Variants in FUT8 observed in about 807,000 individuals in gnomAD.
FUT8 encodes the protein fucosyltransferase 8, also known as alpha-(1,6)-fucosyltransferase.
A neutral mutation model predicts 71.3 loss-of-function variants in FUT8; 29 were observed. The observed-to-expected ratio is 0.41, with a 90% CI of 0.30 to 0.55. FUT8 has a LOEUF of 0.55. FUT8 is among the 20% of genes least tolerant of loss of function. The pLI is 0.34. For synonymous variants in FUT8, 254 were observed against 239.3 expected, an observed-to-expected ratio of 1.06 and a Z score of -0.57; for missense variants, 544 against 702.1, an observed-to-expected ratio of 0.77 and a Z score of 2.55.
At chr14:65,419,476 C>T (rs146999093) in intron 1 of FUT8, among the ~76,000 whole-genome samples, 11 of 152,170 alleles carry the variant, frequency 7.2e-5, no homozygotes, top group Admixed American at 7.2e-4. Context: ...ATAATTAGGG[C>T]CTAATCAATT....
chr14:65,491,427 T>A (rs1044102212), intron 2 of FUT8, among the ~76,000 whole-genome samples: 1 of 152,146 alleles, frequency 6.6e-6, no homozygotes, highest in Admixed American at 6.6e-5. Flanking sequence ...GTTTCAAGTA[T>A]TTTTACAGAG....
the FUT8 span, among the ~76,000 whole-genome samples, chr14:65,386,828 C>T: frequency 7.2e-6 from 1 of 138,242 alleles, no homozygotes; most frequent in Admixed American, 7.7e-5. Flanking sequence ...TTGTGTTTGT[C>T]TTCCTTTAAT....
At chr14:65,505,817 G>C (rs559746756) in intron 2 of FUT8, among the ~76,000 whole-genome samples, 1 of 150,628 alleles carries the variant, frequency 6.6e-6, no homozygotes, top group Admixed American at 6.6e-5. Flanking sequence ...TACTACTTTT[G>C]CCCATTCTTT....
intron 7 of FUT8, among the ~76,000 whole-genome samples, chr14:65,709,528 G>C (rs1043825747): frequency 6.6e-6 from 1 of 152,010 alleles, no homozygotes; most frequent in Non-Finnish European, 1.5e-5. Flanking sequence ...CTGGATAATT[G>C]TTTGGTTGTG....
chr14:65,515,122 T>TTTATGA (rs754384512), intron 2 of FUT8, among the ~76,000 whole-genome samples: 2,262 of 152,322 alleles, frequency 0.015, 19 homozygotes, highest in South Asian at 0.024. Flanking sequence ...ATTCAGTTCC[T>TTTATGA]AGTGTAGTCT....
intron 3 of FUT8, among the ~76,000 whole-genome samples, chr14:65,576,926 A>G (rs570508372): frequency 6.6e-6 from 1 of 151,364 alleles, no homozygotes; most frequent in African/African-American, 2.4e-5. Context: ...TTACCGTGTT[A>G]TCTCCTGACC....
chr14:65,695,952 C>G (rs940081276), intron 7 of FUT8, among the ~76,000 whole-genome samples: 29 of 152,046 alleles, frequency 1.9e-4, no homozygotes, highest in African/African-American at 6.8e-4. Flanking sequence ...ATATTTACCA[C>G]AAATCCAAAT....
At chr14:65,701,177 A>G (rs542179575) in intron 7 of FUT8, among the ~76,000 whole-genome samples, 12 of 152,282 alleles carry the variant, frequency 7.9e-5, no homozygotes, top group African/African-American at 2.2e-4. Context: ...TTATATCCCA[A>G]ATTTTGGATC....
At chr14:65,400,884 C>CAA in the FUT8 span, among the ~76,000 whole-genome samples, 1 of 149,796 alleles carries the variant, frequency 6.7e-6, no homozygotes, top group South Asian at 2.1e-4. Context: ...GACCCTGTCT[C>CAA]AAAAAAAAAG....
chr14:65,693,426 A>G (rs1893815654), intron 7 of FUT8, among the ~76,000 whole-genome samples: 1 of 152,174 alleles, frequency 6.6e-6, no homozygotes, highest in Non-Finnish European at 1.5e-5. Flanking sequence ...AGAATCAGGC[A>G]GGGAGGTTGC....
At position 65,743,175 on chromosome 14, in the gene FUT8, G is replaced by A. The variant is rs1896588341; in HGVS notation, c.*765G>A. ...AAGTTTCTAGAATTTTATATCATTG[G>A]ATGATATGTTGATCAGCCTTATGTG... On this transcript the variant is annotated 3_prime_UTR_variant, in exon 11 of 11. Transcript: ENST00000673929. The A allele has an allele frequency of 6.6e-6, 1 of 152,132 alleles. No individual in the cohort carries two copies. Among genetic ancestry groups the A allele is most frequent in the African/African-American group, 2.4e-5 (1 of 41,340 alleles). 9.4% of individuals were successfully genotyped at this position (152,132 alleles called of 1,614,324 possible). A position where few individuals can be genotyped will look rare whatever the true frequency, so the allele number is the denominator to read the frequency against.
Position 65,413,381 on chromosome 14 carries a change from C to T in FUT8, c.-326+167C>T, listed in dbSNP as rs1049036136. Among the ~76,000 whole-genome samples, 135 of 152,308 alleles carry T rather than the reference C, an allele frequency of 8.9e-4. 1 individual carries two copies. The highest frequency in any genetic ancestry group is 3.2e-3 in the African/African-American group (132 of 41,568). On this transcript the variant is annotated intron_variant, in intron 1 of 10. Transcript: ENST00000673929. The surrounding 1 kb of genome is among the most constrained non-coding windows in gnomAD (Gnocchi z 4.1). ...CTCTCGGAAAAGTGGGGAGGGAGCCCCCGGGACGCTCTGGCGGATGCCTTG... is the reference window on the plus strand; with the variant it reads ...CTCTCGGAAAAGTGGGGAGGGAGCCTCCGGGACGCTCTGGCGGATGCCTTG...
chr14:65,492,491 T>A (rs2066496532), intron 2 of FUT8, among the ~76,000 whole-genome samples: 1 of 152,160 alleles, frequency 6.6e-6, no homozygotes, highest in Non-Finnish European at 1.5e-5. Flanking sequence ...TTTCTGTATG[T>A]CACTTCCTTT....
At chr14:65,358,464 T>C in the FUT8 span, among the ~76,000 whole-genome samples, 2 of 152,194 alleles carry the variant, frequency 1.3e-5, no homozygotes, top group Non-Finnish European at 2.9e-5. Flanking sequence ...TTTACTTTTT[T>C]TACATTATTA....
intron 5 of FUT8, among the ~76,000 whole-genome samples, chr14:65,621,708 C>A (rs1254323932): frequency 6.6e-6 from 1 of 151,918 alleles, no homozygotes; most frequent in Non-Finnish European, 1.5e-5. Context: ...ATTACAGTCG[C>A]CTGCCACTAC....
intron 2 of FUT8, among the ~76,000 whole-genome samples, chr14:65,492,290 A>ACT (rs2066493185): frequency 6.6e-6 from 1 of 152,192 alleles, no homozygotes; most frequent in Non-Finnish European, 1.5e-5. Context: ...TTTAGCCTAA[A>ACT]GGTTTTTGAG....
At chr14:65,517,112 A>G (rs553840319) in intron 2 of FUT8, among the ~76,000 whole-genome samples, 3 of 151,966 alleles carry the variant, frequency 2.0e-5, no homozygotes, top group Non-Finnish European at 4.4e-5. Context: ...TTATCCATTT[A>G]TCTATCAGTG....
intron 6 of FUT8, among the ~76,000 whole-genome samples, chr14:65,659,503 A>G (rs1346162154): frequency 6.6e-6 from 1 of 152,176 alleles, no homozygotes; most frequent in African/African-American, 2.4e-5. Context: ...CATTTGGAGC[A>G]GCTTTTGCAC....
intron 10 of FUT8, among the ~76,000 whole-genome samples, chr14:65,741,675 T>G (rs768549602): frequency 1.3e-5 from 2 of 152,026 alleles, no homozygotes; most frequent in Admixed American, 6.6e-5. Flanking sequence ...TTATTTGTGT[T>G]AAGTTTTTTT....
Sources: gnomAD v4.1 joint callset for allele counts (sites outside exome capture counted in the v4.1 genomes callset) on GRCh38, gnomAD v4.1.1 for gene constraint, Gnocchi (gnomAD v3.1) non-coding constraint, MANE v1.5 for transcripts, NCBI Gene and HGNC (gene_info 2026-07-23, HGNC 2026-07-21) for gene names.